OLFM3: variants seen among roughly 807,000 people sequenced by gnomAD.
OLFM3 encodes noelin-3.
Under a neutral mutation model 48.6 loss-of-function variants are expected in OLFM3, and 20 were observed. That is an observed-to-expected ratio of 0.41 (90% confidence interval 0.29 to 0.60). The LOEUF (loss-of-function observed/expected upper bound fraction) is 0.60, where lower values mean the gene tolerates loss of function less well. OLFM3 is among the 20% of genes least tolerant of loss of function. The pLI, the probability that OLFM3 is intolerant of heterozygous loss-of-function variation, is 0.28. For missense variants in OLFM3, 437 were observed against 544.3 expected (o/e 0.80, Z 1.96); for synonymous variants, 222 against 198.1 (o/e 1.12, Z -1.01).
At chr1:101,951,242 T>G (rs1358449653) in intron 1 of OLFM3, among the ~76,000 whole-genome samples, 1 of 152,222 alleles carries the variant, frequency 6.6e-6, no homozygotes, top group Non-Finnish European at 1.5e-5. Flanking sequence ...ATACACAATA[T>G]TTGAATTAGT....
intron 1 of OLFM3, among the ~76,000 whole-genome samples, chr1:101,845,026 C>G (rs1051438040): frequency 6.6e-6 from 1 of 151,882 alleles, no homozygotes; most frequent in Non-Finnish European, 1.5e-5. Flanking sequence ...GAAAGCATAC[C>G]TAAAATAAAA....
chr1:101,866,983 A>G (rs2100970976), intron 1 of OLFM3, among the ~76,000 whole-genome samples: 1 of 152,320 alleles, frequency 6.6e-6, no homozygotes, highest in South Asian at 2.1e-4. Flanking sequence ...TGACATGGAC[A>G]GTAGTGACTT....
intron 1 of OLFM3, among the ~76,000 whole-genome samples, chr1:101,915,980 C>T (rs936594117): frequency 1.3e-5 from 2 of 152,110 alleles, no homozygotes; most frequent in Admixed American, 6.6e-5. Context: ...GTAAAAAGGA[C>T]TAGTATTATT....
In OLFM3 at chr1:101,871,290, T is replaced by C. The variant is rs115308528; in HGVS notation, c.70-34265A>G. Among the ~76,000 whole-genome samples, 637 of 152,252 alleles carry C rather than the reference T, an allele frequency of 4.2e-3. 4 individuals carry two copies. Among genetic ancestry groups the C allele is most frequent in the African/African-American group, 0.015 (616 of 41,558 alleles). On this transcript the variant is annotated intron_variant, in intron 1 of 5. Coordinates refer to ENST00000370103, the MANE Select transcript of OLFM3 (RefSeq NM_058170.4). ...TCAAGTAGAATAACAAAATGCGTGTTGAAAAAAAGTTTTTTTAGATCCCAA... is the reference window on the plus strand; with the variant it reads ...TCAAGTAGAATAACAAAATGCGTGTCGAAAAAAAGTTTTTTTAGATCCCAA...
At chr1:101,977,424 G>A (rs1660985505) in intron 1 of OLFM3, among the ~76,000 whole-genome samples, 1 of 152,116 alleles carries the variant, frequency 6.6e-6, no homozygotes, top group Non-Finnish European at 1.5e-5. Context: ...AGTACAAAAA[G>A]AGCGTAGAGA....
intron 1 of OLFM3, among the ~76,000 whole-genome samples, chr1:101,925,596 G>C (rs946628800): frequency 1.3e-5 from 2 of 152,090 alleles, no homozygotes; most frequent in African/African-American, 4.8e-5. Flanking sequence ...ACAGCTCACT[G>C]TAACTTTGAG....
chr1:101,957,629 A>C (rs963259025), intron 1 of OLFM3, among the ~76,000 whole-genome samples: 1 of 152,068 alleles, frequency 6.6e-6, no homozygotes, highest in African/African-American at 2.4e-5. Context: ...GCTAAGTTAC[A>C]TGTGCTTTCT....
At position 101,806,195 on chromosome 1, in the gene OLFM3, A is replaced by T; in HGVS notation, c.593-13T>A. On this transcript the variant is annotated splice_polypyrimidine_tract_variant and intron_variant, in intron 4 of 5. Coordinates refer to ENST00000370103, the MANE Select transcript of OLFM3 (RefSeq NM_058170.4). Reference sequence around the variant, plus strand: ...AGTTTGCCACATGCTGAAATTAGAGAAACACAAACGTGTTAGGTGAACGCA... The same window carrying T: ...AGTTTGCCACATGCTGAAATTAGAGTAACACAAACGTGTTAGGTGAACGCA... 7 of 1,603,298 alleles carry T rather than the reference A, an allele frequency of 4.4e-6. No homozygotes were observed. Among genetic ancestry groups the T allele is most frequent in the Non-Finnish European group, 6.0e-6 (7 of 1,170,928 alleles).
At chr1:101,813,912 T>G (rs779873234) in intron 4 of OLFM3, among the ~76,000 whole-genome samples, 60 of 152,316 alleles carry the variant, frequency 3.9e-4, no homozygotes, top group Non-Finnish European at 8.4e-4. Flanking sequence ...AAATAATAAC[T>G]GCATCTTCGG....
intron 1 of OLFM3, chr1:101,893,285 T>G (rs1344531245): frequency 2.8e-6 from 1 of 356,476 alleles, no homozygotes; most frequent in Non-Finnish European, 5.6e-6. Flanking sequence ...CTGTCATAAT[T>G]GCCAAGGTAT....
chr1:101,847,716 C>G (rs1188737657), intron 1 of OLFM3, among the ~76,000 whole-genome samples: 3 of 152,128 alleles, frequency 2.0e-5, no homozygotes, highest in African/African-American at 7.2e-5. Flanking sequence ...TCCAGTTTTG[C>G]TTTTGAGAAT....
intron 1 of OLFM3, among the ~76,000 whole-genome samples, chr1:101,971,147 A>C (rs112913903): frequency 6.6e-6 from 1 of 152,216 alleles, no homozygotes; most frequent in South Asian, 2.1e-4. Flanking sequence ...AGGTATTATT[A>C]AAAATACAGT....
chr1:101,965,870 A>G (rs972856277), intron 1 of OLFM3, among the ~76,000 whole-genome samples: 1 of 152,204 alleles, frequency 6.6e-6, no homozygotes, highest in Non-Finnish European at 1.5e-5. Flanking sequence ...GGGGCTGATC[A>G]TTGCCTTTTG....
chr1:101,943,414 T>A (rs578175592), intron 1 of OLFM3, among the ~76,000 whole-genome samples: 1 of 152,358 alleles, frequency 6.6e-6, no homozygotes, highest in East Asian at 1.9e-4. Context: ...ATATCTTACA[T>A]ACCTCCTATC....
intron 1 of OLFM3, among the ~76,000 whole-genome samples, chr1:101,890,977 T>C (rs1310012123): frequency 1.3e-5 from 2 of 151,988 alleles, no homozygotes; most frequent in Non-Finnish European, 2.9e-5. Flanking sequence ...TCATGCCTTA[T>C]GCAATATAGC....
intron 1 of OLFM3, among the ~76,000 whole-genome samples, chr1:101,933,958 T>C (rs1384610320): frequency 6.6e-6 from 1 of 151,986 alleles, no homozygotes; most frequent in Admixed American, 6.5e-5. Context: ...AGGAGGTCCT[T>C]AAGGGAGTAT....
chr1:101,820,296 A>T (rs1207389671), intron 4 of OLFM3, among the ~76,000 whole-genome samples: 1 of 152,106 alleles, frequency 6.6e-6, no homozygotes, highest in Non-Finnish European at 1.5e-5. Flanking sequence ...CATTGCCCTA[A>T]AACAGCACTA....
At chr1:101,819,059 A>C (rs1433792484) in intron 4 of OLFM3, among the ~76,000 whole-genome samples, 1 of 152,158 alleles carries the variant, frequency 6.6e-6, no homozygotes, top group Non-Finnish European at 1.5e-5. Context: ...AAATATGTTA[A>C]TGTACTAAGT....
intron 1 of OLFM3, among the ~76,000 whole-genome samples, chr1:101,907,204 A>G (rs1658583189): frequency 6.6e-6 from 1 of 152,222 alleles, no homozygotes; most frequent in Non-Finnish European, 1.5e-5. Context: ...TATTTGGATA[A>G]TCATTTACAT....
Sources: gnomAD v4.1 joint callset for allele counts (sites outside exome capture counted in the v4.1 genomes callset) on GRCh38, gnomAD v4.1.1 for gene constraint, MANE v1.5 for transcripts, NCBI Gene and HGNC (gene_info 2026-07-23, HGNC 2026-07-21) for gene names.